TMCC1: variants seen among roughly 807,000 people sequenced by gnomAD.
TMCC1 encodes transmembrane and coiled-coil domain family 1.
A neutral mutation model predicts 52.4 loss-of-function variants in TMCC1; 15 were observed. That is an observed-to-expected ratio of 0.29 (90% CI 0.19 to 0.44). The LOEUF (loss-of-function observed/expected upper bound fraction) is 0.44, where lower values mean the gene tolerates loss of function less well. Ranked by LOEUF, TMCC1 falls within the 20% of genes least tolerant of loss-of-function variation. TMCC1 has a pLI of 1.00. For missense variants in TMCC1, 503 were observed against 806.0 expected, an observed-to-expected ratio of 0.62 and a Z score of 4.55; for synonymous variants, 279 against 301.9, an observed-to-expected ratio of 0.92 and a Z score of 0.79.
chr3:129,847,519 A>G (rs2059718782), intron 2 of TMCC1: 1 of 152,146 alleles, frequency 6.6e-6, no homozygotes, highest in African/African-American at 2.4e-5. Context: ...TGTTCTTTTT[A>G]TTGCCGAGTA....
At chr3:129,811,773 G>C (rs1429676375) in intron 4 of TMCC1, among the ~76,000 whole-genome samples, 1 of 150,416 alleles carries the variant, frequency 6.6e-6, no homozygotes, top group Non-Finnish European at 1.5e-5. Context: ...GCGAAACCCT[G>C]TCTCTACTAA....
chr3:129,802,974 G>A (rs758909183), intron 4 of TMCC1, among the ~76,000 whole-genome samples: 143 of 152,328 alleles, frequency 9.4e-4, no homozygotes, highest in Non-Finnish European at 1.3e-3. Flanking sequence ...GCTCACCACT[G>A]ATGAGGGACT....
intron 2 of TMCC1, among the ~76,000 whole-genome samples, chr3:129,863,785 C>A (rs1370160422): frequency 6.6e-6 from 1 of 152,024 alleles, no homozygotes; most frequent in Non-Finnish European, 1.5e-5. Flanking sequence ...TCGCTTGAAC[C>A]CGGGAGGTGG....
intron 4 of TMCC1, among the ~76,000 whole-genome samples, chr3:129,744,881 C>T (rs1280847098): frequency 6.6e-6 from 1 of 152,134 alleles, no homozygotes; most frequent in Non-Finnish European, 1.5e-5. Context: ...CTTACAAAGC[C>T]TATCTGTGCC....
intron 2 of TMCC1, among the ~76,000 whole-genome samples, chr3:129,843,478 T>A (rs915502644): frequency 6.6e-6 from 1 of 152,094 alleles, no homozygotes; most frequent in African/African-American, 2.4e-5. Context: ...TTGATAAACT[T>A]ATAGCCAGGC....
chr3:129,752,804 A>C lies in TMCC1; in HGVS notation c.576+74999T>G, dbSNP rs80135799. Among the ~76,000 whole-genome samples, 765 of 152,344 alleles carry C rather than the reference A, an allele frequency of 5.0e-3. 3 individuals carry two copies. The highest frequency in any genetic ancestry group is 0.018 in the African/African-American group (743 of 41,578). ...TGCTATAAAGACACACCTGAGACTCAGTAATTTACGAAGAAAAGAGGTTTA... is the reference window on the plus strand; with the variant it reads ...TGCTATAAAGACACACCTGAGACTCCGTAATTTACGAAGAAAAGAGGTTTA... On this transcript the variant is annotated intron_variant, in intron 4 of 6. Coordinates refer to ENST00000393238, the MANE Select transcript of TMCC1 (RefSeq NM_001017395.5).
chr3:129,794,654 C>A (rs1444394237), intron 4 of TMCC1, among the ~76,000 whole-genome samples: 1 of 152,098 alleles, frequency 6.6e-6, no homozygotes, highest in African/African-American at 2.4e-5. Context: ...ACACAAGGAC[C>A]ACCCCTTCCC....
intron 4 of TMCC1, among the ~76,000 whole-genome samples, chr3:129,804,120 C>G (rs1168137600): frequency 1.3e-5 from 2 of 152,096 alleles, no homozygotes; most frequent in Admixed American, 1.3e-4. Flanking sequence ...AATAAAAGCC[C>G]CAAAGACCAC....
At chr3:129,662,615 G>A (rs1203931540) in intron 5 of TMCC1, among the ~76,000 whole-genome samples, 2 of 152,068 alleles carry the variant, frequency 1.3e-5, no homozygotes, top group African/African-American at 4.8e-5. Flanking sequence ...TCCAGCCTGG[G>A]CAAGAGTGAG....
At chr3:129,694,873 G>A (rs1389646806) in intron 4 of TMCC1, among the ~76,000 whole-genome samples, 2 of 151,488 alleles carry the variant, frequency 1.3e-5, no homozygotes, top group African/African-American at 2.4e-5. Flanking sequence ...CTATGGACTC[G>A]CCCTGAATTA....
chr3:129,852,165 A>T (rs2059942257), intron 2 of TMCC1, among the ~76,000 whole-genome samples: 1 of 151,778 alleles, frequency 6.6e-6, no homozygotes, highest in Admixed American at 6.6e-5. Flanking sequence ...AAAAGAAAAA[A>T]CAAAGTGGTG....
intron 1 of TMCC1, among the ~76,000 whole-genome samples, chr3:129,882,790 T>C (rs1398284858): frequency 6.6e-6 from 1 of 152,194 alleles, no homozygotes; most frequent in Non-Finnish European, 1.5e-5. Context: ...AAGTACTGTA[T>C]GATTCCACTT....
intron 4 of TMCC1, among the ~76,000 whole-genome samples, chr3:129,697,388 A>G (rs1200705529): frequency 1.3e-5 from 2 of 152,010 alleles, no homozygotes; most frequent in African/African-American, 4.8e-5. Context: ...AGACCACCAA[A>G]CCTGTGGGCT....
intron 6 of TMCC1, among the ~76,000 whole-genome samples, chr3:129,653,435 A>G (rs1213865031): frequency 2.0e-5 from 3 of 152,166 alleles, no homozygotes; most frequent in Non-Finnish European, 4.4e-5. Context: ...ACCAAACATT[A>G]AAAGTGTCTA....
rs377656447 is a variant in TMCC1, at chr3:129,742,085, G to C, written c.577-70821C>G. 5.3e-5 allele frequency among the ~76,000 whole-genome samples: 8 copies of C among 152,140 alleles called. No homozygotes were observed. In the East Asian group the frequency reaches 1.4e-3, roughly 26 times the overall value. ...TGAAAGACCTAAATCTAAAACTCTCGTAAGAAAACATGGATGTAAATCTTT... is the reference window on the plus strand; with the variant it reads ...TGAAAGACCTAAATCTAAAACTCTCCTAAGAAAACATGGATGTAAATCTTT... On this transcript the variant is annotated intron_variant, in intron 4 of 6. Transcript: ENST00000393238.
chr3:129,831,024 T>C (rs1209668456), intron 3 of TMCC1, among the ~76,000 whole-genome samples: 1 of 152,198 alleles, frequency 6.6e-6, no homozygotes, highest in Non-Finnish European at 1.5e-5. Flanking sequence ...AGCCTCTGCC[T>C]CCTGGGTTCA....
chr3:129,851,553 C>A (rs1318949813), intron 2 of TMCC1, among the ~76,000 whole-genome samples: 1 of 152,090 alleles, frequency 6.6e-6, no homozygotes, highest in Non-Finnish European at 1.5e-5. Context: ...AAACCACAAA[C>A]ATTAGGACGG....
At chr3:129,675,475 C>A (rs1394235201) in intron 4 of TMCC1, among the ~76,000 whole-genome samples, 1 of 152,146 alleles carries the variant, frequency 6.6e-6, no homozygotes, top group African/African-American at 2.4e-5. Flanking sequence ...TATAAAAGGG[C>A]TTAGAACAAT....
chr3:129,732,905 T>A (rs2050657535), intron 4 of TMCC1, among the ~76,000 whole-genome samples: 1 of 152,238 alleles, frequency 6.6e-6, no homozygotes, highest in Non-Finnish European at 1.5e-5. Flanking sequence ...CTTCCCATTC[T>A]TTGAACCAGA....
Sources: gnomAD v4.1 joint callset for allele counts (sites outside exome capture counted in the v4.1 genomes callset) on GRCh38, gnomAD v4.1.1 for gene constraint, MANE v1.5 for transcripts, NCBI Gene and HGNC (gene_info 2026-07-23, HGNC 2026-07-21) for gene names.